The following COBL variants were observed in gnomAD, a reference collection of about 807,000 sequenced individuals.
COBL encodes cordon-bleu WH2 repeat protein, also known as protein cordon-bleu.
Under a neutral mutation model 98.8 loss-of-function variants are expected in COBL, and 51 were observed. The observed-to-expected ratio is 0.52, with a 90% CI of 0.41 to 0.65. The LOEUF is 0.65. Ranked by LOEUF, COBL falls within the 30% of genes least tolerant of loss-of-function variation. The pLI is 0.00. For missense variants in COBL, 1,617 were observed against 1,617.5 expected (o/e 1.00, Z 0.01); for synonymous variants, 634 against 651.7 (o/e 0.97, Z 0.41).
rs1369297648 is a variant in COBL at position 51,029,214 on chromosome 7, C to T, written c.1882G>A (p.Ala628Thr). Residue 628 changes from alanine to threonine, a missense_variant, in exon 10 of 13, where the codon GCG (alanine) becomes ACG (threonine). Physicochemically the swap from Ala to Thr is moderately conservative, Grantham distance 58. Around this residue, in one of 3 missense-constraint regions of COBL, gnomAD observed 1,304 missense variants for 1,282.0 expected, o/e 1.02. Coordinates refer to ENST00000265136, the MANE Select transcript of COBL (RefSeq NM_015198.5). ...ISKDGNLMET[A>T]PRVTSFASNL... Reference sequence around the variant, plus strand: ...GAAGCAAAAGAAGTCACCCTGGGCGCCGTTTCCATTAGATTCCCATCTTTA... The same window carrying T: ...GAAGCAAAAGAAGTCACCCTGGGCGTCGTTTCCATTAGATTCCCATCTTTA... 1 of 1,614,066 alleles carries T rather than the reference C, an allele frequency of 6.2e-7. No homozygotes were observed. Among genetic ancestry groups the T allele is most frequent in the South Asian group, 1.1e-5 (1 of 91,062 alleles).
Position 51,267,420 on chromosome 7 carries a change from C to G in COBL, c.42-47476G>C, listed in dbSNP as rs911420416. 5.9e-5 allele frequency among the ~76,000 whole-genome samples: 9 copies of G among 152,136 alleles called. No homozygotes were observed. In the South Asian group the frequency reaches 1.9e-3, roughly 32 times the overall value. ...CTCAAGAGAACCTCCACAGCACAGC[C>G]CCATCCGCAAAGACTTGAGGCCTCT... On this transcript the variant is annotated intron_variant, in intron 1 of 12. Coordinates refer to ENST00000265136, the MANE Select transcript of COBL (RefSeq NM_015198.5).
chr7:51,083,003 AGTGCT>A, intron 7 of COBL: 2 of 1,493,368 alleles, frequency 1.3e-6, no homozygotes, highest in Non-Finnish European at 1.8e-6. Flanking sequence ...CTGACATCGC[AGTGCT>A]CAGAGAGATG....
intron 5 of COBL, among the ~76,000 whole-genome samples, chr7:51,169,199 G>C (rs1787618671): frequency 6.6e-6 from 1 of 152,126 alleles, no homozygotes. Flanking sequence ...TGATAATAAT[G>C]CTTTCAACAG....
rs1790026685 is a variant in COBL, at chr7:51,190,760, G to T, written c.685+90C>A. 4 of 1,021,330 alleles carry T rather than the reference G, an allele frequency of 3.9e-6. No individual in the cohort carries two copies. In the African/African-American group the frequency reaches 6.3e-5, roughly 16 times the overall value. The allele number at this position is 1,021,330 out of a possible 1,614,324, so 63.3% of individuals were successfully genotyped here. On this transcript the variant is annotated intron_variant, in intron 4 of 12. Transcript: ENST00000265136. ...GTACCCATCTCTCCCTGGCGCTACT[G>T]AGAGTGCTGGGGAGAGCCAACAGGG...
intron 1 of COBL, among the ~76,000 whole-genome samples, chr7:51,276,586 C>A (rs1339523975): frequency 6.6e-6 from 1 of 152,188 alleles, no homozygotes; most frequent in Non-Finnish European, 1.5e-5. Flanking sequence ...ACACCTCCAA[C>A]CCGCCAGGGA....
chr7:51,077,176 G>C (rs1793174179), intron 7 of COBL, among the ~76,000 whole-genome samples: 1 of 152,194 alleles, frequency 6.6e-6, no homozygotes, highest in South Asian at 2.1e-4. Context: ...TAAAGCATCT[G>C]TGTACATGAT....
At chr7:51,170,510 T>G (rs1236052326) in intron 5 of COBL, among the ~76,000 whole-genome samples, 2 of 142,006 alleles carry the variant, frequency 1.4e-5, no homozygotes, top group African/African-American at 2.8e-5. Context: ...CACTGTGATA[T>G]ATATATATAT....
At chr7:51,200,532 G>A (rs1026669104) in intron 2 of COBL, among the ~76,000 whole-genome samples, 1 of 152,208 alleles carries the variant, frequency 6.6e-6, no homozygotes, top group African/African-American at 2.4e-5. Flanking sequence ...GTATATGATT[G>A]AAGTGAAGTG....
intron 6 of COBL, among the ~76,000 whole-genome samples, chr7:51,087,980 T>C (rs562572128): frequency 4.7e-4 from 72 of 152,172 alleles, no homozygotes; most frequent in Non-Finnish European, 2.5e-4. Flanking sequence ...GCTAAGCCAT[T>C]ACTCCACTGT....
chr7:51,083,235 G>T lies in COBL; in HGVS notation c.1096+1931C>A, dbSNP rs1333776141. ...GGCACCTGCCGTCCACCACCTATAT[G>T]GAATCAACAGGGAGTTACTTCAGCA... is the stretch of plus-strand genomic sequence containing the variant. On this transcript the variant is annotated intron_variant, in intron 7 of 12. Coordinates refer to ENST00000265136, the MANE Select transcript of COBL (RefSeq NM_015198.5). The T allele has an allele frequency of 3.5e-6, 5 of 1,446,898 alleles. No homozygotes were observed. The South Asian group carries it at 7.3e-5, about 21-fold the overall frequency. The allele number at this position is 1,446,898 out of a possible 1,614,324, so 89.6% of individuals were successfully genotyped here. A position where few individuals can be genotyped will look rare whatever the true frequency, so the allele number is the denominator to read the frequency against.
chr7:51,291,578 T>C (rs577902582), intron 1 of COBL, among the ~76,000 whole-genome samples: 76 of 152,064 alleles, frequency 5.0e-4, no homozygotes, highest in African/African-American at 1.7e-3. Context: ...TTGGCCAACA[T>C]GGTGAAACCC....
intron 2 of COBL, among the ~76,000 whole-genome samples, chr7:51,200,063 C>G: frequency 6.6e-6 from 1 of 152,108 alleles, no homozygotes; most frequent in East Asian, 1.9e-4. Context: ...ACAAGGGAAA[C>G]ATTGTAAGAT....
intron 2 of COBL, among the ~76,000 whole-genome samples, chr7:51,204,776 C>A (rs1427953065): frequency 6.6e-6 from 1 of 152,100 alleles, no homozygotes; most frequent in Non-Finnish European, 1.5e-5. Context: ...GTCTCGATCT[C>A]TTGACCTCGT....
chr7:51,109,541 C>T (rs1796639991), intron 6 of COBL, among the ~76,000 whole-genome samples: 1 of 152,120 alleles, frequency 6.6e-6, no homozygotes, highest in South Asian at 2.1e-4. Context: ...GCTACCCCTG[C>T]TTTTATTCAG....
chr7:51,220,420 T>C (rs1026498882), intron 1 of COBL, among the ~76,000 whole-genome samples: 4 of 152,154 alleles, frequency 2.6e-5, no homozygotes, highest in East Asian at 1.9e-4. Flanking sequence ...GAGGATGTGT[T>C]GTGCTAAATT....
chr7:51,279,390 C>A (rs578016842), intron 1 of COBL, among the ~76,000 whole-genome samples: 1 of 152,320 alleles, frequency 6.6e-6, no homozygotes, highest in South Asian at 2.1e-4. Flanking sequence ...TTAAATAAAT[C>A]ACCTGAAATT....
At chr7:51,185,532 G>T (rs1287741896) in intron 4 of COBL, among the ~76,000 whole-genome samples, 1 of 152,196 alleles carries the variant, frequency 6.6e-6, no homozygotes, top group Non-Finnish European at 1.5e-5. Context: ...GTCATGATTT[G>T]CTCAGGAAAG....
chr7:51,035,126 G>A (rs7779358), intron 8 of COBL: 8,167 of 152,250 alleles, frequency 0.054, 764 homozygotes, highest in African/African-American at 0.19. Context: ...ACCCAGCCGG[G>A]TGTGTGCAGG....
At chr7:51,232,378 A>G (rs3815336) in intron 1 of COBL, among the ~76,000 whole-genome samples, 105,723 of 151,970 alleles carry the variant, frequency 0.7, 37,424 homozygotes, top group East Asian at 0.82. Flanking sequence ...GAGTTCCCAC[A>G]ACCCATCTGG....
Sources: allele counts gnomAD v4.1 joint callset (sites outside exome capture counted in the v4.1 genomes callset), GRCh38; gene constraint gnomAD v4.1.1; regional missense constraint gnomAD v4.1.1; transcripts MANE v1.5; gene names NCBI Gene and HGNC (gene_info 2026-07-23, HGNC 2026-07-21).